HSPA8: variants seen among roughly 807,000 people sequenced by gnomAD.
HSPA8 encodes heat shock protein family A (Hsp70) member 8, also known as heat shock cognate 71 kDa protein.
Under a neutral mutation model 52.8 loss-of-function variants are expected in HSPA8, and 2 were observed. The ratio of observed to expected loss-of-function variants is 0.04; its 90% CI spans 0.02 to 0.12. The LOEUF is 0.12. HSPA8 is among the 10% of genes least tolerant of loss of function. The pLI is 1.00. For missense variants in HSPA8, 349 were observed against 800.5 expected (o/e 0.44, Z 6.81); for synonymous variants, 436 against 274.0 (o/e 1.59, Z -5.84).
At chr11:123,060,470 C>T (rs1865461076) in intron 3 of HSPA8, 123 bp downstream of exon 3, 1 of 915,756 alleles carries the variant, frequency 1.1e-6, no homozygotes, top group Non-Finnish European at 1.7e-6. Context: ...CTGTTGGGCA[C>T]GTGGTCTTAA....
chr11:123,060,855 C>CTTCTGATAA, intron 2 of HSPA8, 57 bp from the exon 3 acceptor site: 2 of 1,477,878 alleles, frequency 1.4e-6, no homozygotes, highest in South Asian at 2.3e-5. Context: ...TGATAAAACT[C>CTTCTGATAA]AAGTCCATGA....
intron 8 of HSPA8, 46 bp from the exon 9 acceptor site, chr11:123,057,965 T>C (rs1865357039): frequency 3.5e-6 from 5 of 1,439,968 alleles, no homozygotes; most frequent in South Asian, 2.6e-5. Context: ...TTAATGTTAA[T>C]AACCCTTCTT....
In HSPA8 at chr11:123,057,662, A is replaced by G; in HGVS notation, c.*72T>C. 1 of 1,289,170 alleles carries G rather than the reference A, an allele frequency of 7.8e-7. No individual in the cohort carries two copies. 79.9% of individuals were successfully genotyped at this position (1,289,170 alleles called of 1,614,324 possible). On this transcript the variant is annotated 3_prime_UTR_variant, in exon 9 of 9. Transcript: ENST00000534624. ...GCTTAACTTTTTAAAACTGCCACAG[A>G]ATTTGCTACGAATTTAGGTCCTTCA...
intron 7 of HSPA8, 60 bp downstream of exon 7, chr11:123,058,572 C>G: frequency 6.4e-7 from 1 of 1,571,836 alleles, no homozygotes; most frequent in Non-Finnish European, 8.8e-7. Context: ...CCCTTAGGCA[C>G]CAGTAACTCA....
In HSPA8 at chr11:123,062,133, T is replaced by C. The variant is rs1453941295; in HGVS notation, c.-75A>G. ...ACCCAAGAGCTGCAGGCGAGTTCAA[T>C]GAGACCGGTTTCCGCCCGCCACCCT... On this transcript the variant is annotated 5_prime_UTR_variant, in exon 1 of 9. Coordinates refer to ENST00000534624, the MANE Select transcript of HSPA8 (RefSeq NM_006597.6). 2.6e-5 allele frequency: 4 copies of C among 152,652 alleles called. No individual in the cohort carries two copies. The highest frequency in any genetic ancestry group is 9.7e-5 in the African/African-American group (4 of 41,420). 9.5% of individuals were successfully genotyped at this position (152,652 alleles called of 1,614,324 possible).
intron 8 of HSPA8, 112 bp from the exon 9 acceptor site, chr11:123,058,031 A>C (rs1374172527): frequency 1.2e-6 from 1 of 843,586 alleles, no homozygotes; most frequent in East Asian, 2.5e-5. Flanking sequence ...CAAGAGGGCC[A>C]CTACCAACAT....
chr11:123,058,142 T>C lies in HSPA8; in HGVS notation c.1755+110A>G, dbSNP rs1243498414. The C allele has an allele frequency of 4.8e-5, 38 of 797,502 alleles. No individual in the cohort carries two copies. The East Asian group carries it at 9.2e-4, about 19-fold the overall frequency. 49.4% of individuals were successfully genotyped at this position (797,502 alleles called of 1,614,324 possible). A position where few individuals can be genotyped will look rare whatever the true frequency, so the allele number is the denominator to read the frequency against. On this transcript the variant is annotated intron_variant, in intron 8 of 8. Coordinates refer to ENST00000534624, the MANE Select transcript of HSPA8 (RefSeq NM_006597.6). ...ATTCTGGTGGAAACCGCGAATGTTT[T>C]GGACCATTCATCATTGTGACCCTAC...
chr11:123,058,946 G>T (rs1381245), intron 6 of HSPA8, 113 bp downstream of exon 6: 1 of 1,392,788 alleles, frequency 7.2e-7, no homozygotes, highest in Non-Finnish European at 1.0e-6. Flanking sequence ...GCCAACATAA[G>T]ACTTTCTGGT....
At chr11:123,060,920 G>T in intron 2 of HSPA8, 122 bp from the exon 3 acceptor site, 1 of 964,726 alleles carries the variant, frequency 1.0e-6, no homozygotes, top group Non-Finnish European at 1.6e-6. Flanking sequence ...CATATAGGTA[G>T]CAAAGGTTCA....
In HSPA8 at chr11:123,059,804, G is replaced by C; in HGVS notation, c.789C>G (p.Leu263=). 2 of 1,613,804 alleles carry C rather than the reference G, an allele frequency of 1.2e-6. No homozygotes were observed. The highest frequency in any genetic ancestry group is 1.1e-5 in the South Asian group (1 of 91,066). Residue 263 remains leucine, a synonymous_variant, in exon 5 of 9, where the codon CTC becomes CTG. Coordinates refer to ENST00000534624, the MANE Select transcript of HSPA8 (RefSeq NM_006597.6). ...GCTTAGCACGTTCACAAGCAGTACGGAGGCGTCTTACAGCTCTCTTGTTCT... is the reference window on the plus strand; with the variant it reads ...GCTTAGCACGTTCACAAGCAGTACGCAGGCGTCTTACAGCTCTCTTGTTCT... ...ISENKRAVRR[L]RTACERAKRT... is the part of the protein sequence containing the mutation.
chr11:123,061,372 A>G, intron 1 of HSPA8, 43 bp from the exon 2 acceptor site: 1 of 1,437,734 alleles, frequency 7.0e-7, no homozygotes, highest in Non-Finnish European at 9.7e-7. Flanking sequence ...AATTAATCAA[A>G]ATATTTCCCT....
chr11:123,057,917 A>C lies in HSPA8; in HGVS notation c.1758T>G (p.Thr586=). 6.3e-7 allele frequency: 1 copy of C among 1,594,648 alleles called. No homozygotes were observed. Among genetic ancestry groups the C allele is most frequent in the Non-Finnish European group, 8.5e-7 (1 of 1,172,392 alleles). ...EIINWLDKNQ[T]AEKEEFEHQQ... is the part of the protein sequence containing the mutation. ...GATGTTCAAATTCTTCCTTCTCAGCAGTCTGAGGAAGAGAAAAAGGAATTA... is the reference window on the plus strand; with the variant it reads ...GATGTTCAAATTCTTCCTTCTCAGCCGTCTGAGGAAGAGAAAAAGGAATTA... The change falls in exon 9 of 9, where the codon ACT becomes ACG. Residue 586 remains threonine (T), a splice_region_variant and synonymous_variant. Transcript: ENST00000534624.
At chr11:123,060,394 G>C (rs1865457564) in intron 3 of HSPA8, 126 bp from the exon 4 acceptor site, 2 of 1,015,120 alleles carry the variant, frequency 2.0e-6, no homozygotes, top group Non-Finnish European at 3.0e-6. Flanking sequence ...GTAAATTACT[G>C]TGTAATTGTC....
chr11:123,058,884 C>G, intron 6 of HSPA8, 54 bp from the exon 7 acceptor site: 1 of 1,540,640 alleles, frequency 6.5e-7, no homozygotes, highest in East Asian at 2.2e-5. Flanking sequence ...TGTGACAGTG[C>G]TAGGGTCCTG....
intron 1 of HSPA8, 186 bp from the exon 2 acceptor site, chr11:123,061,515 C>A: frequency 4.9e-6 from 3 of 606,884 alleles, no homozygotes; most frequent in Middle Eastern, 4.4e-4. Flanking sequence ...GTGCCAACCG[C>A]AGCAGAGCAC....
rs1345207000 is a variant in HSPA8, at chr11:123,058,502, T to C, written c.1523-18A>G. 6.2e-7 allele frequency: 1 copy of C among 1,609,776 alleles called. No individual in the cohort carries two copies. Among genetic ancestry groups the C allele is most frequent in the Admixed American group, 1.7e-5 (1 of 59,928 alleles). On this transcript the variant is annotated intron_variant, in intron 7 of 8. Transcript: ENST00000534624. ...CAAACGGCCTAGGAAAGAAATTAAC[T>C]CTAAGTAAAAGCCTTAAATTACCTG...
At chr11:123,058,530 T>C (rs1456181916) in intron 7 of HSPA8, 46 bp from the exon 8 acceptor site, 7 of 1,586,288 alleles carry the variant, frequency 4.4e-6, no homozygotes, top group African/African-American at 1.3e-5. Context: ...ATTACCTGTG[T>C]ATGTGTAACT....
intron 1 of HSPA8, 134 bp from the exon 2 acceptor site, chr11:123,061,463 G>A (rs1464400588): frequency 2.9e-6 from 2 of 696,298 alleles, no homozygotes; most frequent in African/African-American, 1.8e-5. Context: ...TCCTGTCTAA[G>A]CACGCGCGAG....
intron 6 of HSPA8, 93 bp downstream of exon 6, chr11:123,058,966 G>T: frequency 7.1e-7 from 1 of 1,406,726 alleles, no homozygotes; most frequent in Non-Finnish European, 1.0e-6. Context: ...TGGAAACTAC[G>T]AATGGTTTTG....
Sources: gnomAD v4.1 joint callset for allele counts on GRCh38, gnomAD v4.1.1 for gene constraint, MANE v1.5 for transcripts, NCBI Gene and HGNC (gene_info 2026-07-23, HGNC 2026-07-21) for gene names.